Variants in PTCH1 observed in about 807,000 individuals in gnomAD.
PTCH1 encodes the protein patched 1, also known as protein patched homolog 1.
PTCH1 carries 14 observed loss-of-function variants against 144.6 expected under a neutral mutation model. The observed-to-expected ratio is 0.10, with a 90% CI of 0.06 to 0.15. The LOEUF (loss-of-function observed/expected upper bound fraction) is 0.15, where lower values mean the gene tolerates loss of function less well. Among genes scored for constraint, PTCH1 ranks in the 10% least tolerant of loss-of-function variants. The pLI is 1.00. For missense variants in PTCH1, 1,623 were observed against 1,948.3 expected (o/e 0.83, Z 3.14); for synonymous variants, 833 against 793.6 (o/e 1.05, Z -0.83).
chr9:95,506,999 G>A (rs933146208), intron 1 of PTCH1: 6 of 997,556 alleles, frequency 6.0e-6, no homozygotes, highest in African/African-American at 3.5e-5. Flanking sequence ...TCAGGAGCCA[G>A]CAAACCAGTC....
At position 95,469,084 on chromosome 9, in the gene PTCH1, G is replaced by A. The variant is rs770506138; in HGVS notation, c.1917C>T (p.Tyr639=). 3 of 1,613,980 alleles carry A rather than the reference G, an allele frequency of 1.9e-6. No homozygotes were observed. Among genetic ancestry groups the A allele is most frequent in the Admixed American group, 3.3e-5 (2 of 60,006 alleles). The part of the protein sequence containing the change: ...AYTDTHDNTR[Y]SPPPPYSSHS... ...GGCTGCTGTAGGGAGGTGGGGGGCT[G>A]TAGCGGGTATTGTCGTGTGTGTCGG... The change falls in exon 14 of 24, where the codon TAC becomes TAT. Residue 639 remains tyrosine (Y), a synonymous_variant. Transcript: ENST00000331920.
intron 2 of PTCH1, 38 bp downstream of exon 2, chr9:95,506,369 C>G (rs765196569): frequency 6.2e-7 from 1 of 1,600,182 alleles, no homozygotes. Context: ...GAGGAGGGAC[C>G]GGGCCGGGGG....
chr9:95,475,771 G>A (rs1336150237), intron 12 of PTCH1, among the ~76,000 whole-genome samples: 1 of 152,098 alleles, frequency 6.6e-6, no homozygotes, highest in African/African-American at 2.4e-5. Context: ...TAAAGGACAT[G>A]GCCACTCTAT....
At position 95,467,118 on chromosome 9, in the gene PTCH1, T is replaced by C. The variant is rs587778628; in HGVS notation, c.2558A>G (p.Gln853Arg). ...GAGAGCCTCCCACGCCGTCTTACCCTGAAGCCAGTCTCTGAAGTAGTGCAG... is the reference window on the plus strand; with the variant it reads ...GAGAGCCTCCCACGCCGTCTTACCCCGAAGCCAGTCTCTGAAGTAGTGCAG... ...MWLHYFRDWL[Q>R]GLQDAFDSDW... The change falls in exon 15 of 24, where the codon CAG becomes CGG. Residue 853 changes from glutamine (Q) to arginine (R), a missense_variant and splice_region_variant. Physicochemically the swap from Gln to Arg is conservative, Grantham distance 43. Around this residue, in one of 7 missense-constraint regions of PTCH1, gnomAD observed 504 missense variants for 679.3 expected, o/e 0.74. Transcript: ENST00000331920. 1.1e-5 allele frequency: 17 copies of C among 1,614,220 alleles called. No homozygotes were observed. Among genetic ancestry groups the C allele is most frequent in the Middle Eastern group, 1.6e-4 (1 of 6,062 alleles).
chr9:95,461,115 G>A lies in PTCH1; in HGVS notation c.2703+741C>T, dbSNP rs1480105183. 2.0e-5 allele frequency among the ~76,000 whole-genome samples: 3 copies of A among 152,134 alleles called. No individual in the cohort carries two copies. In the East Asian group the frequency reaches 5.8e-4, roughly 29 times the overall value. On this transcript the variant is annotated intron_variant, in intron 16 of 23. Transcript: ENST00000331920. ...CTCCGAGGAAGCTGAGGTAGCCCGG[G>A]CCCCGTGCAATTGGAGGAGTCCAAA...
intron 15 of PTCH1, among the ~76,000 whole-genome samples, chr9:95,463,060 G>A (rs1006295183): frequency 7.6e-5 from 11 of 145,330 alleles, no homozygotes; most frequent in Non-Finnish European, 1.5e-4. Flanking sequence ...AGCAGCTCAG[G>A]AAACCACAGC....
rs750720184 is a variant in PTCH1, at chr9:95,480,340, A to G, written c.945+50T>C. The stretch of plus-strand genomic sequence containing the variant: ...AAAGTGAACGATGAATGGACACAAA[A>G]AAGTGTTTTGCTCTCCACCCTTCTG... On this transcript the variant is annotated intron_variant, in intron 6 of 23. Coordinates refer to ENST00000331920, the MANE Select transcript of PTCH1 (RefSeq NM_000264.5). 3.1e-6 allele frequency: 5 copies of G among 1,595,014 alleles called. No individual in the cohort carries two copies. The South Asian group carries it at 4.5e-5, about 14-fold the overall frequency.
At chr9:95,478,926 A>G in intron 8 of PTCH1, 74 bp downstream of exon 8, 1 of 1,604,702 alleles carries the variant, frequency 6.2e-7, no homozygotes. Flanking sequence ...ATGGAAAGAA[A>G]TGTTTTAAAT....
Position 95,461,909 on chromosome 9 carries a change from A to T in PTCH1, c.2650T>A (p.Tyr884Asn), listed in dbSNP as rs2136687961. 1 of 1,614,250 alleles carries T rather than the reference A, an allele frequency of 6.2e-7. No homozygotes were observed. Among genetic ancestry groups the T allele is most frequent in the Non-Finnish European group, 8.5e-7 (1 of 1,180,054 alleles). ...CTGCCGGTTTGCACCAGGAGTTTGT[A>T]GGCAAGGACTCCATCGTCTGATCCA... is the stretch of plus-strand genomic sequence containing the variant. ...KNGSDDGVLA[Y>N]KLLVQTGSRD... The change falls in exon 16 of 24, where the codon TAC becomes AAC. Residue 884 changes from tyrosine to asparagine, a missense_variant. Physicochemically the swap from Tyr to Asn is moderately radical, Grantham distance 143. Transcript: ENST00000331920.
intron 12 of PTCH1, among the ~76,000 whole-genome samples, chr9:95,474,486 GA>G (rs1376716773): frequency 2.0e-5 from 3 of 152,270 alleles, no homozygotes; most frequent in Admixed American, 6.5e-5. Flanking sequence ...CATCAGATCT[GA>G]ACGTTATTCA....
chr9:95,455,820 ACCT>A (rs1437407486), intron 19 of PTCH1, among the ~76,000 whole-genome samples: 1 of 152,064 alleles, frequency 6.6e-6, no homozygotes, highest in East Asian at 1.9e-4. Context: ...CTGCCAGCTC[ACCT>A]CATCCTCAGT....
chr9:95,463,011 C>A (rs1588555718), intron 15 of PTCH1, among the ~76,000 whole-genome samples: 1 of 129,290 alleles, frequency 7.7e-6, no homozygotes, highest in Non-Finnish European at 1.6e-5. Context: ...CCCACCCTTG[C>A]CCCTCCCAGC....
chr9:95,477,788 C>A (rs1015015950), intron 9 of PTCH1, 86 bp from the exon 10 acceptor site: 58 of 1,554,924 alleles, frequency 3.7e-5, no homozygotes, highest in Non-Finnish European at 4.7e-5. Flanking sequence ...CCCATCACCC[C>A]AAATCAAAAG....
chr9:95,510,425 C>T (rs1328784389), upstream of PTCH1, among the ~76,000 whole-genome samples: 1 of 152,234 alleles, frequency 6.6e-6, no homozygotes, highest in African/African-American at 2.4e-5. Context: ...CGGGGATTCG[C>T]TTCCCGCGGA....
chr9:95,496,572 G>A (rs960450815), intron 2 of PTCH1, among the ~76,000 whole-genome samples: 10 of 150,264 alleles, frequency 6.7e-5, no homozygotes, highest in Non-Finnish European at 1.2e-4. Flanking sequence ...GGTCATCCTA[G>A]TCCCCAAATC....
At chr9:95,456,449 G>T (rs774661560) in intron 18 of PTCH1, 36 bp from the exon 19 acceptor site, 1 of 1,610,646 alleles carries the variant, frequency 6.2e-7, no homozygotes, top group South Asian at 1.1e-5. Flanking sequence ...TGGGCGGGCA[G>T]GTCACCCTCT....
At chr9:95,506,746 G>T (rs926625795) in intron 1 of PTCH1, 147 bp from the exon 2 acceptor site, 2 of 1,064,068 alleles carry the variant, frequency 1.9e-6, no homozygotes, top group Non-Finnish European at 2.4e-6. Flanking sequence ...CGAGACTGCA[G>T]CCCCGGCGGA....
At chr9:95,510,142 G>A (rs1440996188), upstream of PTCH1, among the ~76,000 whole-genome samples, 1 of 151,648 alleles carries the variant, frequency 6.6e-6, no homozygotes, top group Non-Finnish European at 1.5e-5. Flanking sequence ...AGAAACAACA[G>A]AATCTTTTTT....
intron 15 of PTCH1, among the ~76,000 whole-genome samples, chr9:95,466,714 G>C (rs1378411611): frequency 6.6e-6 from 1 of 152,146 alleles, no homozygotes; most frequent in Non-Finnish European, 1.5e-5. Context: ...TGCTTATCTA[G>C]CATCTCCTGG....
Sources: allele counts gnomAD v4.1 joint callset (sites outside exome capture counted in the v4.1 genomes callset), GRCh38; gene constraint gnomAD v4.1.1; regional missense constraint gnomAD v4.1.1; transcripts MANE v1.5; gene names NCBI Gene and HGNC (gene_info 2026-07-23, HGNC 2026-07-21).